RB1: variants seen among roughly 807,000 people sequenced by gnomAD.
The protein encoded by RB1 is retinoblastoma-associated protein.
RB1 carries 18 observed loss-of-function variants against 135.4 expected under a neutral mutation model. The observed-to-expected ratio is 0.13, with a 90% CI of 0.09 to 0.20. RB1 has a LOEUF of 0.20. Ranked by LOEUF, RB1 falls within the 10% of genes least tolerant of loss-of-function variation. The pLI, the probability that RB1 is intolerant of heterozygous loss-of-function variation, is 1.00. For missense variants in RB1, 868 were observed against 1,110.0 expected (o/e 0.78, Z 3.10); for synonymous variants, 365 against 373.2 (o/e 0.98, Z 0.25).
At position 48,376,940 on chromosome 13, in the gene RB1, A is replaced by G; in HGVS notation, c.1238A>G (p.Glu413Gly). The G allele has an allele frequency of 1.2e-6, 2 of 1,613,794 alleles. No homozygotes were observed. The highest frequency in any genetic ancestry group is 1.7e-6 in the Non-Finnish European group (2 of 1,179,846). The change falls in exon 13 of 27, where the codon GAA becomes GGA. Residue 413 changes from glutamate to glycine, a missense_variant. By Grantham distance (98) the Glu-to-Gly change is moderately conservative (BLOSUM62 -2). This residue lies in a region of RB1 where 641 missense variants were observed against 791.3 expected (regional missense o/e 0.81). Transcript: ENST00000267163. Reference sequence around the variant, plus strand: ...AAGAACTGCACAGTGAATCCAAAAGAAAGTATACTGAAAAGAGTGAAGGAT... The same window carrying G: ...AAGAACTGCACAGTGAATCCAAAAGGAAGTATACTGAAAAGAGTGAAGGAT... ...YFNNCTVNPK[E>G]SILKRVKDIG...
intron 19 of RB1, among the ~76,000 whole-genome samples, 186 bp from the exon 20 acceptor site, chr13:48,459,502 G>T (rs553528852): frequency 6.6e-5 from 10 of 152,044 alleles, no homozygotes; most frequent in Non-Finnish European, 1.5e-4. Context: ...TGTATCCCTT[G>T]TAATATGCCT....
At chr13:48,428,999 A>G (rs1330637264) in intron 17 of RB1, among the ~76,000 whole-genome samples, 1 of 152,210 alleles carries the variant, frequency 6.6e-6, no homozygotes, top group African/African-American at 2.4e-5. Flanking sequence ...GCTTGTGGCT[A>G]TAAAGCTATT....
intron 2 of RB1, among the ~76,000 whole-genome samples, chr13:48,339,233 T>C (rs191568405): frequency 1.2e-3 from 185 of 152,316 alleles, no homozygotes; most frequent in African/African-American, 4.2e-3. Flanking sequence ...TGCAGAGGTT[T>C]CTGCTGCCTT....
chr13:48,340,656 A>G (rs198636), intron 2 of RB1: 166,369 of 177,042 alleles, frequency 0.94, 78,613 homozygotes, highest in East Asian at 1. Flanking sequence ...GTGCAAAGAA[A>G]CAAACCAAAA....
intron 17 of RB1, chr13:48,411,175 A>C (rs1948792785): frequency 2.1e-6 from 1 of 465,482 alleles, no homozygotes; most frequent in Admixed American, 3.5e-5. Flanking sequence ...GGAACAAATC[A>C]AAATGGCTCA....
chr13:48,340,112 A>G (rs1380771683), intron 2 of RB1, among the ~76,000 whole-genome samples: 1 of 152,180 alleles, frequency 6.6e-6, no homozygotes, highest in Non-Finnish European at 1.5e-5. Context: ...GCAGAAAATG[A>G]ACTTCAATCC....
chr13:48,358,918 T>C (rs1952614746), intron 6 of RB1, among the ~76,000 whole-genome samples: 1 of 152,146 alleles, frequency 6.6e-6, no homozygotes, highest in South Asian at 2.1e-4. Context: ...ACTATGGTAT[T>C]TTAAAATAAC....
At chr13:48,358,350 C>T (rs1332222268) in intron 6 of RB1, among the ~76,000 whole-genome samples, 2 of 151,948 alleles carry the variant, frequency 1.3e-5, no homozygotes, top group East Asian at 3.9e-4. Flanking sequence ...ATTTGATGTT[C>T]TGTTTTCTCT....
chr13:48,431,925 G>A (rs1351484871), intron 17 of RB1, among the ~76,000 whole-genome samples: 1 of 152,042 alleles, frequency 6.6e-6, no homozygotes, highest in Non-Finnish European at 1.5e-5. Context: ...TTTATTGAGT[G>A]TAACTGTGTA....
In RB1 at chr13:48,379,631, T is replaced by C; in HGVS notation, c.1370T>C (p.Met457Thr). The C allele has an allele frequency of 6.2e-6, 10 of 1,612,416 alleles. No individual in the cohort carries two copies. The highest frequency in any genetic ancestry group is 8.5e-6 in the Non-Finnish European group (10 of 1,179,642). ...GGAGTTCGCTTGTATTACCGAGTAA[T>C]GGAATCCATGCTTAAATCAGTAAGT... ...KLGVRLYYRV[M>T]ESMLKSEEER... The change falls in exon 14 of 27, where the codon ATG becomes ACG. Residue 457 changes from methionine to threonine, a missense_variant. This residue lies in a region of RB1 where 641 missense variants were observed against 791.3 expected (regional missense o/e 0.81). Coordinates refer to ENST00000267163, the MANE Select transcript of RB1 (RefSeq NM_000321.3).
At chr13:48,407,111 C>T (rs1299518921) in intron 17 of RB1, among the ~76,000 whole-genome samples, 1 of 152,172 alleles carries the variant, frequency 6.6e-6, no homozygotes, top group Non-Finnish European at 1.5e-5. Context: ...TACCCCATGG[C>T]TATTAACTGT....
Position 48,317,699 on chromosome 13 carries a change from C to T in RB1, c.264+10293C>T, listed in dbSNP as rs1952198291. On this transcript the variant is annotated intron_variant, in intron 2 of 26. Coordinates refer to ENST00000267163, the MANE Select transcript of RB1 (RefSeq NM_000321.3). ...CTGGGCGGTGCCGGATCCCCTTGGGCGGGAGCAGCGGGGAGCCCCTTCCTG... is the reference window on the plus strand; with the variant it reads ...CTGGGCGGTGCCGGATCCCCTTGGGTGGGAGCAGCGGGGAGCCCCTTCCTG... The T allele has an allele frequency of 1.5e-5, 8 of 548,348 alleles. 1 individual carries two copies. Among genetic ancestry groups the T allele is most frequent in the South Asian group, 4.7e-5 (2 of 42,654 alleles). 34.0% of individuals were successfully genotyped at this position (548,348 alleles called of 1,614,324 possible).
intron 24 of RB1, chr13:48,476,468 G>C (rs1949504524): frequency 2.1e-6 from 1 of 474,818 alleles, no homozygotes. Flanking sequence ...TGAGCTGCAT[G>C]GGAAAAGACA....
chr13:48,381,563 T>C lies in RB1; in HGVS notation c.1695+120T>C, dbSNP rs554456958. The C allele has an allele frequency of 8.0e-6, 8 of 993,794 alleles. No homozygotes were observed. The Admixed American group carries it at 1.0e-4, about 13-fold the overall frequency. 61.6% of individuals were successfully genotyped at this position (993,794 alleles called of 1,614,324 possible). A position where few individuals can be genotyped will look rare whatever the true frequency, so the allele number is the denominator to read the frequency against. On this transcript the variant is annotated intron_variant, in intron 17 of 26. Coordinates refer to ENST00000267163, the MANE Select transcript of RB1 (RefSeq NM_000321.3). Reference sequence around the variant, plus strand: ...CATATAGGGAATTTAATGAATAATGTTATTTCAGTCTATAGCCCAAGGATC... The same window carrying C: ...CATATAGGGAATTTAATGAATAATGCTATTTCAGTCTATAGCCCAAGGATC...
chr13:48,388,460 T>G (rs959269929), intron 17 of RB1, among the ~76,000 whole-genome samples: 7 of 152,330 alleles, frequency 4.6e-5, no homozygotes, highest in African/African-American at 1.7e-4. Flanking sequence ...ATGCCACCCT[T>G]TTTTGACAGT....
At position 48,477,212 on chromosome 13, in the gene RB1, G is replaced by A; in HGVS notation, c.2664-143G>A. The A allele has an allele frequency of 1.8e-5, 12 of 655,990 alleles. No individual in the cohort carries two copies. In the South Asian group the frequency reaches 2.2e-4, roughly 12 times the overall value. 40.6% of individuals were successfully genotyped at this position (655,990 alleles called of 1,614,324 possible). A position where few individuals can be genotyped will look rare whatever the true frequency, so the allele number is the denominator to read the frequency against. ...ATTTGTGACATTTATGTTTTAGATG[G>A]TTAGTTTTTAAATTTTAAAATTAAA... On this transcript the variant is annotated intron_variant, in intron 25 of 26. Coordinates refer to ENST00000267163, the MANE Select transcript of RB1 (RefSeq NM_000321.3).
intron 18 of RB1, 104 bp downstream of exon 18, chr13:48,453,215 A>T: frequency 8.6e-7 from 1 of 1,158,380 alleles, no homozygotes; most frequent in Non-Finnish European, 1.3e-6. Flanking sequence ...TAGAATTTTG[A>T]ATAAGAATAG....
chr13:48,353,351 T>C (rs2138099454), intron 6 of RB1, among the ~76,000 whole-genome samples: 1 of 151,968 alleles, frequency 6.6e-6, no homozygotes, highest in African/African-American at 2.4e-5. Flanking sequence ...ATAGAAGAAA[T>C]GGGCAAATTC....
At chr13:48,323,496 T>C (rs916526638) in intron 2 of RB1, among the ~76,000 whole-genome samples, 2 of 151,966 alleles carry the variant, frequency 1.3e-5, no homozygotes, top group Non-Finnish European at 2.9e-5. Context: ...TTTTCTTTAT[T>C]TCTCTATTCT....
Sources: allele counts gnomAD v4.1 joint callset (sites outside exome capture counted in the v4.1 genomes callset), GRCh38; gene constraint gnomAD v4.1.1; regional missense constraint gnomAD v4.1.1; transcripts MANE v1.5; gene names NCBI Gene and HGNC (gene_info 2026-07-23, HGNC 2026-07-21).